Variants in CNTRL observed in about 807,000 individuals in gnomAD.
CNTRL encodes the protein 110 kDa centrosomal protein.
Under a neutral mutation model 303.7 loss-of-function variants are expected in CNTRL, and 233 were observed. That is an observed-to-expected ratio of 0.77 (90% CI 0.69 to 0.86). The LOEUF is 0.86. Among genes scored for constraint, CNTRL ranks in the 40% least tolerant of loss-of-function variants. The pLI is 0.00. For missense variants in CNTRL, 2,524 were observed against 2,650.6 expected, an observed-to-expected ratio of 0.95 and a Z score of 1.05; for synonymous variants, 900 against 922.2, an observed-to-expected ratio of 0.98 and a Z score of 0.44.
chr9:121,125,090 C>G (rs1312011136), intron 13 of CNTRL, among the ~76,000 whole-genome samples: 4 of 151,970 alleles, frequency 2.6e-5, no homozygotes, highest in Non-Finnish European at 5.9e-5. Flanking sequence ...ATCTTATATA[C>G]TAGGTGGTCT....
At position 121,142,132 on chromosome 9, in the gene CNTRL, A is replaced by C; in HGVS notation, c.2733A>C (p.Gln911His). ...GGCAACATGAAGCAAGAATCCAGCA[A>C]ATGGAGAATGAAATTCACTATTTGC... Reference protein sequence around the residue: ...DKRQHEARIQQMENEIHYLQE... With the variant: ...DKRQHEARIQHMENEIHYLQE... Residue 911 changes from glutamine (Q) to histidine (H), a missense_variant, in exon 19 of 44, where the codon CAA (glutamine) becomes CAC (histidine). Physicochemically the swap from Gln to His is conservative, Grantham distance 24. Coordinates refer to ENST00000373855, the MANE Select transcript of CNTRL (RefSeq NM_007018.6). The C allele has an allele frequency of 1.2e-6, 2 of 1,609,342 alleles. No individual in the cohort carries two copies. Among genetic ancestry groups the C allele is most frequent in the Non-Finnish European group, 1.7e-6 (2 of 1,178,306 alleles).
At chr9:121,170,368 T>G (rs1478923126) in intron 39 of CNTRL, among the ~76,000 whole-genome samples, 1 of 152,168 alleles carries the variant, frequency 6.6e-6, no homozygotes, top group South Asian at 2.1e-4. Context: ...AGTCCTGAAC[T>G]CCTGACCTCA....
chr9:121,120,218 G>C (rs756124302), intron 12 of CNTRL, among the ~76,000 whole-genome samples: 8 of 151,928 alleles, frequency 5.3e-5, no homozygotes, highest in Non-Finnish European at 1.2e-4. Flanking sequence ...TTGACAAGTT[G>C]TTTAACTGTT....
intron 7 of CNTRL, among the ~76,000 whole-genome samples, chr9:121,106,970 G>C (rs1315312826): frequency 6.6e-6 from 1 of 152,154 alleles, no homozygotes; most frequent in Non-Finnish European, 1.5e-5. Context: ...ATCTAGTCTA[G>C]GTGAGCCAGG....
chr9:121,094,618 A>C (rs983454151), intron 4 of CNTRL, among the ~76,000 whole-genome samples: 7 of 152,180 alleles, frequency 4.6e-5, no homozygotes, highest in Admixed American at 2.0e-4. Flanking sequence ...AGAGGGAATG[A>C]CAGTGAGGGA....
intron 14 of CNTRL, among the ~76,000 whole-genome samples, chr9:121,134,082 C>T (rs960104359): frequency 2.6e-5 from 4 of 152,102 alleles, no homozygotes; most frequent in Non-Finnish European, 5.9e-5. Context: ...ATCTGTGAAC[C>T]TCTTGGATTC....
chr9:121,136,065 A>T (rs1177020621), intron 15 of CNTRL, 83 bp downstream of exon 15: 1 of 1,263,990 alleles, frequency 7.9e-7, no homozygotes, highest in Non-Finnish European at 1.1e-6. Context: ...GTCTTAATTT[A>T]AAATTAAGCG....
At chr9:121,174,522 G>T (rs2131952250) in intron 42 of CNTRL, among the ~76,000 whole-genome samples, 1 of 152,326 alleles carries the variant, frequency 6.6e-6, no homozygotes, top group South Asian at 2.1e-4. Context: ...AGAAAGTTCT[G>T]TTGGACAGCG....
chr9:121,167,564 T>A lies in CNTRL; in HGVS notation c.5731T>A (p.Trp1911Arg). The change falls in exon 37 of 44, where the codon TGG becomes AGG. Residue 1911 changes from tryptophan (W) to arginine (R), a missense_variant. Transcript: ENST00000373855. ...CCGACTCCAGAAGGACATCAGTGAA[T>A]GGGCAAATAGGTTTGAAGACTGTCA... ...QTRLQKDISEWANRFEDCQKE... is the reference protein window; with the variant it reads ...QTRLQKDISERANRFEDCQKE... 2 of 1,614,088 alleles carry A rather than the reference T, an allele frequency of 1.2e-6. No individual in the cohort carries two copies. The highest frequency in any genetic ancestry group is 1.7e-6 in the Non-Finnish European group (2 of 1,180,002).
Position 121,177,144 on chromosome 9 carries a change from T to A in CNTRL, c.6955-19T>A. On this transcript the variant is annotated intron_variant, in intron 43 of 43. Coordinates refer to ENST00000373855, the MANE Select transcript of CNTRL (RefSeq NM_007018.6). ...CTGTTTCAAGAATTTGATTTATCCT[T>A]CCTTTTGTCTTACTGTAGGAAAAGA... is the stretch of plus-strand genomic sequence containing the variant. The A allele has an allele frequency of 6.2e-7, 1 of 1,605,474 alleles. No individual in the cohort carries two copies. The highest frequency in any genetic ancestry group is 8.5e-7 in the Non-Finnish European group (1 of 1,172,736).
intron 11 of CNTRL, among the ~76,000 whole-genome samples, chr9:121,117,363 C>T (rs2050023167): frequency 1.3e-5 from 2 of 151,288 alleles, no homozygotes; most frequent in East Asian, 1.9e-4. Flanking sequence ...ATCTTTTTTA[C>T]ACTTCTATAC....
At position 121,107,956 on chromosome 9, in the gene CNTRL, T is replaced by TGA; in HGVS notation, c.965_966dup (p.Glu323ArgfsTer7). The TGA allele has an allele frequency of 6.3e-7, 1 of 1,597,080 alleles. No homozygotes were observed. Among genetic ancestry groups the TGA allele is most frequent in the Non-Finnish European group, 8.5e-7 (1 of 1,175,244 alleles). On this transcript the variant is annotated frameshift_variant, in exon 8 of 44. Coordinates refer to ENST00000373855, the MANE Select transcript of CNTRL (RefSeq NM_007018.6). LOFTEE classifies it high-confidence loss of function. ...AGGCCATGTTACAGAAACAGAGCTG[T>TGA]GAGGAACTCAAGAGTGACTTAAACA... is the stretch of plus-strand genomic sequence containing the variant.
At chr9:121,094,773 G>A in intron 4 of CNTRL, 115 bp from the exon 5 acceptor site, 1 of 700,412 alleles carries the variant, frequency 1.4e-6, no homozygotes, top group East Asian at 2.8e-5. Context: ...AGAGCAGTAA[G>A]GGTATATTAT....
intron 39 of CNTRL, among the ~76,000 whole-genome samples, chr9:121,170,114 G>A (rs749377014): frequency 2.0e-5 from 3 of 152,110 alleles, no homozygotes; most frequent in African/African-American, 7.2e-5. Flanking sequence ...ACCTCCACTG[G>A]CAGGGAGGAG....
At chr9:121,103,793 C>T (rs566336252) in intron 7 of CNTRL, among the ~76,000 whole-genome samples, 38 of 152,270 alleles carry the variant, frequency 2.5e-4, no homozygotes, top group African/African-American at 8.9e-4. Flanking sequence ...CATCACTGGC[C>T]ATCAGAGAAA....
At position 121,125,855 on chromosome 9, in the gene CNTRL, A is replaced by G. The variant is rs771052869; in HGVS notation, c.1944A>G (p.Thr648=). Reference sequence around the variant, plus strand: ...GGAAGCTGCGGGATGAGAAAGAGACATTGTTGCAGAGATTGACAGAAGTCG... The same window carrying G: ...GGAAGCTGCGGGATGAGAAAGAGACGTTGTTGCAGAGATTGACAGAAGTCG... ...ECRKLRDEKE[T]LLQRLTEVEQ... Residue 648 remains threonine (T), a synonymous_variant, in exon 14 of 44, where the codon ACA becomes ACG. Transcript: ENST00000373855. 56 of 1,614,110 alleles carry G rather than the reference A, an allele frequency of 3.5e-5. No homozygotes were observed. The highest frequency in any genetic ancestry group is 1.6e-4 in the Middle Eastern group (1 of 6,084).
At chr9:121,088,244 T>A in intron 2 of CNTRL, 52 bp from the exon 3 acceptor site, 2 of 883,312 alleles carry the variant, frequency 2.3e-6, no homozygotes, top group South Asian at 3.2e-5. Context: ...AAAGAATAGT[T>A]TTGATAACTC....
rs2052089486 is a variant in CNTRL, at chr9:121,149,528, C to T, written c.3650-642C>T. On this transcript the variant is annotated intron_variant, in intron 24 of 43. Coordinates refer to ENST00000373855, the MANE Select transcript of CNTRL (RefSeq NM_007018.6). Reference sequence around the variant, plus strand: ...GCAATTCTCTCTCCTGTTTCAGCCTCCCGAGTAGCTGGGATTACAGGCGTG... The same window carrying T: ...GCAATTCTCTCTCCTGTTTCAGCCTTCCGAGTAGCTGGGATTACAGGCGTG... 2.6e-5 allele frequency among the ~76,000 whole-genome samples: 4 copies of T among 152,028 alleles called. No homozygotes were observed. The South Asian group carries it at 8.3e-4, about 31-fold the overall frequency.
chr9:121,126,078 G>T, intron 14 of CNTRL, 142 bp downstream of exon 14: 1 of 632,766 alleles, frequency 1.6e-6, no homozygotes, highest in Middle Eastern at 3.9e-4. Flanking sequence ...TTTAACAGTT[G>T]GGCTTTTTTT....
Sources: gnomAD v4.1 joint callset for allele counts (sites outside exome capture counted in the v4.1 genomes callset) on GRCh38, gnomAD v4.1.1 for gene constraint, MANE v1.5 for transcripts, NCBI Gene and HGNC (gene_info 2026-07-23, HGNC 2026-07-21) for gene names.